The following PADI6 variants were observed in gnomAD, a reference collection of about 807,000 sequenced individuals.
The protein encoded by PADI6 is inactive protein-arginine deiminase type-6.
A neutral mutation model predicts 78.2 loss-of-function variants in PADI6; 66 were observed. That is an observed-to-expected ratio of 0.84 (90% confidence interval 0.69 to 1.04). The LOEUF (loss-of-function observed/expected upper bound fraction) is 1.04. PADI6 is among the 50% of genes least tolerant of loss of function. PADI6 has a pLI of 0.00. For synonymous variants in PADI6, 397 were observed against 346.9 expected, an observed-to-expected ratio of 1.14 and a Z score of -1.60; for missense variants, 854 against 866.1, an observed-to-expected ratio of 0.99 and a Z score of 0.18.
At chr1:17,399,374 G>A (rs140162148) in intron 15 of PADI6, among the ~76,000 whole-genome samples, 2,909 of 152,194 alleles carry the variant, frequency 0.019, 40 homozygotes, top group Non-Finnish European at 0.03. Context: ...CGAGGCAGGT[G>A]GATCACCTGA....
Position 17,401,571 on chromosome 1 carries a change from C to T in PADI6, c.*133C>T, listed in dbSNP as rs184555964. 212 of 847,694 alleles carry T rather than the reference C, an allele frequency of 2.5e-4. No homozygotes were observed. In the African/African-American group the frequency reaches 2.7e-3, roughly 11 times the overall value. 52.5% of individuals were successfully genotyped at this position (847,694 alleles called of 1,614,324 possible). A position where few individuals can be genotyped will look rare whatever the true frequency, so the allele number is the denominator to read the frequency against. On this transcript the variant is annotated 3_prime_UTR_variant, in exon 16 of 16. Transcript: ENST00000619609. The stretch of plus-strand genomic sequence containing the variant: ...AGAACCCTTTCTTCCCTGTCTGCCC[C>T]GACCGACCCTCGGACCCAGTAGGAT...
chr1:17,386,889 G>A (rs534865300), intron 6 of PADI6, among the ~76,000 whole-genome samples: 5 of 152,362 alleles, frequency 3.3e-5, no homozygotes, highest in African/African-American at 7.2e-5. Context: ...CTGCTGGCAC[G>A]TTGGAGGAGC....
chr1:17,383,843 A>T lies in PADI6; in HGVS notation c.679+1751A>T, dbSNP rs1041926294. 4.0e-5 allele frequency among the ~76,000 whole-genome samples: 6 copies of T among 150,458 alleles called. No individual in the cohort carries two copies. The East Asian group carries it at 5.8e-4, about 15-fold the overall frequency. On this transcript the variant is annotated intron_variant, in intron 6 of 15. Transcript: ENST00000619609. ...TGAGACTCAAAAAAATAATTTTTTT[A>T]AAAAAACTTATTCAACAATCTAGGG...
chr1:17,379,930 A>C lies in PADI6; in HGVS notation c.378A>C (p.Leu126=). Residue 126 remains leucine, a synonymous_variant, in exon 4 of 16, where the codon CTA becomes CTC. Coordinates refer to ENST00000619609, the MANE Select transcript of PADI6 (RefSeq NM_207421.4). ...VLYLTGIEVS[L]EVDIYRNGQV... ...TTTCTTCTGTTTCAGAGGTCTCTCT[A>C]GAGGTAGACATCTACCGCAATGGGC... 6.2e-7 allele frequency: 1 copy of C among 1,613,312 alleles called. No homozygotes were observed. The highest frequency in any genetic ancestry group is 8.5e-7 in the Non-Finnish European group (1 of 1,179,366).
At chr1:17,393,429 G>A (rs952929283) in intron 9 of PADI6, among the ~76,000 whole-genome samples, 2 of 152,170 alleles carry the variant, frequency 1.3e-5, no homozygotes, top group Non-Finnish European at 2.9e-5. Flanking sequence ...AGACACGGTG[G>A]CTTCCTGAGT....
intron 3 of PADI6, among the ~76,000 whole-genome samples, chr1:17,378,264 A>G (rs1263140855): frequency 1.3e-5 from 2 of 152,066 alleles, no homozygotes; most frequent in African/African-American, 2.4e-5. Context: ...CCTGGTGTAC[A>G]CATATGTGCT....
At chr1:17,379,132 T>TTTTTTTTTTTTTTTTTTTTG (rs1557597630) in intron 3 of PADI6, among the ~76,000 whole-genome samples, 3 of 136,176 alleles carry the variant, frequency 2.2e-5, no homozygotes, top group Admixed American at 7.0e-5. Context: ...TTTTTTTTTT[T>TTTTTTTTTTTTTTTTTTTTG]AAGACGGAGT....
chr1:17,380,513 G>T (rs1029488248), intron 4 of PADI6, among the ~76,000 whole-genome samples: 1 of 152,226 alleles, frequency 6.6e-6, no homozygotes, highest in African/African-American at 2.4e-5. Flanking sequence ...GACTCTAGGT[G>T]CCTGCCACCA....
At chr1:17,392,294 G>A (rs2075194544) in intron 9 of PADI6, 69 bp downstream of exon 9, 4 of 1,153,622 alleles carry the variant, frequency 3.5e-6, no homozygotes, top group African/African-American at 3.1e-5. Flanking sequence ...CACCTAAGAG[G>A]AACTTCACAG....
chr1:17,378,381 G>C (rs950146132), intron 3 of PADI6, among the ~76,000 whole-genome samples: 5 of 152,180 alleles, frequency 3.3e-5, no homozygotes, highest in South Asian at 2.1e-4. Flanking sequence ...GCATCTGCTG[G>C]TCAGGTGCTG....
chr1:17,394,503 C>A (rs775134520), intron 11 of PADI6, 49 bp downstream of exon 11: 17 of 1,579,874 alleles, frequency 1.1e-5, no homozygotes, highest in South Asian at 5.7e-5. Flanking sequence ...GGACCATGGT[C>A]GTTCCCCTGG....
chr1:17,385,777 C>T (rs1445203872), intron 6 of PADI6, among the ~76,000 whole-genome samples: 1 of 152,066 alleles, frequency 6.6e-6, no homozygotes. Flanking sequence ...TATCTGATGG[C>T]CAGCACTTCA....
Position 17,372,327 on chromosome 1 carries a change from G to A in PADI6, c.82G>A (p.Val28Met). 2 of 1,613,978 alleles carry A rather than the reference G, an allele frequency of 1.2e-6. No individual in the cohort carries two copies. Among genetic ancestry groups the A allele is most frequent in the Non-Finnish European group, 1.7e-6 (2 of 1,179,884 alleles). ...SLDSPVHAVC[V>M]LGTEICLDLS... ...GGACAGCCCTGTCCATGCCGTTTGT[G>A]TGTTGGGCACAGAAATCTGCTTGGA... Residue 28 changes from valine (V) to methionine (M), a missense_variant, in exon 1 of 16, where the codon GTG becomes ATG. By Grantham distance (21) the Val-to-Met change is conservative. Coordinates refer to ENST00000619609, the MANE Select transcript of PADI6 (RefSeq NM_207421.4).
Position 17,388,558 on chromosome 1 carries a change from C to CG in PADI6, c.858+1dup. ...TCCCTGGTGGAGGAGTCTCAAGACC[C>CG]GGTATGTCCCCATAATAGATGGGTC... On this transcript the variant is annotated frameshift_variant and splice_region_variant, in exon 7 of 16. Transcript: ENST00000619609. LOFTEE classifies it high-confidence loss of function. 6.2e-7 allele frequency: 1 copy of CG among 1,606,136 alleles called. No homozygotes were observed. Among genetic ancestry groups the CG allele is most frequent in the Non-Finnish European group, 8.5e-7 (1 of 1,173,700 alleles).
In PADI6 at chr1:17,386,209, T is replaced by A. The variant is rs77966638; in HGVS notation, c.680-2172T>A. 6.3e-3 allele frequency among the ~76,000 whole-genome samples: 953 copies of A among 152,242 alleles called. 11 individuals carry two copies. Among genetic ancestry groups the A allele is most frequent in the Non-Finnish European group, 9.2e-3 (629 of 68,008 alleles). On this transcript the variant is annotated intron_variant, in intron 6 of 15. Coordinates refer to ENST00000619609, the MANE Select transcript of PADI6 (RefSeq NM_207421.4). ...GCTTCTGTTTAATGGGGACAACAAATGCCTGCTTCAAAGGGTCCTGAGGAT... is the reference window on the plus strand; with the variant it reads ...GCTTCTGTTTAATGGGGACAACAAAAGCCTGCTTCAAAGGGTCCTGAGGAT...
At position 17,373,182 on chromosome 1, in the gene PADI6, G is replaced by A. The variant is rs375108657; in HGVS notation, c.243G>A (p.Thr81=). The A allele has an allele frequency of 6.9e-4, 1,118 of 1,613,970 alleles. No homozygotes were observed. The highest frequency in any genetic ancestry group is 8.7e-4 in the Non-Finnish European group (1,030 of 1,179,880). ...TCTGGTGGCCCCTGTCTGATCCCACGTACGCCACAGTGAAGATGACATCGC... is the reference window on the plus strand; with the variant it reads ...TCTGGTGGCCCCTGTCTGATCCCACATACGCCACAGTGAAGATGACATCGC... The part of the protein sequence containing the change: ...ATIWWPLSDP[T]YATVKMTSPS... The change falls in exon 2 of 16, where the codon ACG becomes ACA. Residue 81 remains threonine (T), a synonymous_variant. Coordinates refer to ENST00000619609, the MANE Select transcript of PADI6 (RefSeq NM_207421.4).
chr1:17,372,948 C>A, intron 1 of PADI6, 108 bp from the exon 2 acceptor site: 2 of 1,189,364 alleles, frequency 1.7e-6, no homozygotes, highest in Non-Finnish European at 1.2e-6. Context: ...TGCCTCAACA[C>A]CCTAAGGAGA....
At position 17,388,514 on chromosome 1, in the gene PADI6, C is replaced by A; in HGVS notation, c.813C>A (p.Gly271=). 1 of 1,613,430 alleles carries A rather than the reference C, an allele frequency of 6.2e-7. No homozygotes were observed. Among genetic ancestry groups the A allele is most frequent in the Non-Finnish European group, 8.5e-7 (1 of 1,179,438 alleles). Residue 271 remains glycine, a synonymous_variant, in exon 7 of 16, where the codon GGC becomes GGA. Coordinates refer to ENST00000619609, the MANE Select transcript of PADI6 (RefSeq NM_207421.4). ...CATTCCCATCTGCCGAATTCTCAGG[C>A]CTCATCTCCTACTCTGTGTCCCTGG... The part of the protein sequence containing the change: ...AIAFPSAEFS[G]LISYSVSLVE...
chr1:17,395,734 A>T, intron 13 of PADI6, 71 bp downstream of exon 13: 1 of 1,522,570 alleles, frequency 6.6e-7, no homozygotes, highest in Non-Finnish European at 8.9e-7. Context: ...CTACATAGCC[A>T]TTCTGTCACG....
Sources: allele counts gnomAD v4.1 joint callset (sites outside exome capture counted in the v4.1 genomes callset), GRCh38; gene constraint gnomAD v4.1.1; transcripts MANE v1.5; gene names NCBI Gene and HGNC (gene_info 2026-07-23, HGNC 2026-07-21).